The following OPCML variants were observed in gnomAD, a reference collection of about 807,000 sequenced individuals.
The protein encoded by OPCML is opioid-binding protein/cell adhesion molecule.
A neutral mutation model predicts 37.8 loss-of-function variants in OPCML; 13 were observed. The ratio of observed to expected loss-of-function variants is 0.34; its 90% CI spans 0.22 to 0.55. The LOEUF (loss-of-function observed/expected upper bound fraction) is 0.55, where lower values mean the gene tolerates loss of function less well. OPCML is among the 20% of genes least tolerant of loss of function. OPCML has a pLI of 0.91. For synonymous variants in OPCML, 176 were observed against 168.8 expected, an observed-to-expected ratio of 1.04 and a Z score of -0.33; for missense variants, 341 against 435.6, an observed-to-expected ratio of 0.78 and a Z score of 1.93.
chr11:132,416,124 A>AT lies in OPCML; in HGVS notation c.*4068dup, dbSNP rs776312287. 2.5e-4 allele frequency: 38 copies of AT among 152,170 alleles called. No individual in the cohort carries two copies. The highest frequency in any genetic ancestry group is 4.7e-4 in the Non-Finnish European group (32 of 68,012). The allele number at this position is 152,170 out of a possible 1,614,324, so 9.4% of individuals were successfully genotyped here. A position where few individuals can be genotyped will look rare whatever the true frequency, so the allele number is the denominator to read the frequency against. On this transcript the variant is annotated 3_prime_UTR_variant, in exon 8 of 8. Transcript: ENST00000524381. ...TGTTGGAGAAAAAGAAAATAAATGCATTTTTTCCAAAAAGAAAAACCTTAT... is the reference window on the plus strand; with the variant it reads ...TGTTGGAGAAAAAGAAAATAAATGCATTTTTTTCCAAAAAGAAAAACCTTAT...
At chr11:132,791,485 C>T (rs1457463143) in intron 2 of OPCML, among the ~76,000 whole-genome samples, 1 of 152,174 alleles carries the variant, frequency 6.6e-6, no homozygotes, top group East Asian at 1.9e-4. Context: ...ATCATTACAA[C>T]TCTGACTGGA....
intron 1 of OPCML, chr11:133,118,020 C>T (rs576029730): frequency 2.4e-6 from 2 of 825,564 alleles, no homozygotes; most frequent in South Asian, 1.1e-4. Flanking sequence ...CAACCTGAGT[C>T]TACAGGGGTG....
intron 1 of OPCML, among the ~76,000 whole-genome samples, chr11:133,100,696 A>G (rs762934819): frequency 2.0e-4 from 30 of 152,176 alleles, no homozygotes; most frequent in Non-Finnish European, 3.8e-4. Flanking sequence ...ACAGAAGACC[A>G]AAGGCAATAC....
At chr11:132,535,411 C>G (rs2096337986) in intron 3 of OPCML, among the ~76,000 whole-genome samples, 1 of 151,870 alleles carries the variant, frequency 6.6e-6, no homozygotes, top group African/African-American at 2.4e-5. Context: ...GGACCCAGAC[C>G]TCATCTCAGC....
At chr11:133,327,097 T>A in intron 1 of OPCML, among the ~76,000 whole-genome samples, 1 of 108,540 alleles carries the variant, frequency 9.2e-6, no homozygotes, top group Non-Finnish European at 1.8e-5. Flanking sequence ...TATGTGGTGG[T>A]GTGTGTATGT....
At chr11:133,179,714 A>G (rs1449928329) in intron 1 of OPCML, among the ~76,000 whole-genome samples, 1 of 152,212 alleles carries the variant, frequency 6.6e-6, no homozygotes, top group African/African-American at 2.4e-5. Flanking sequence ...GTGGAACACA[A>G]AAGTCCAAGT....
chr11:133,468,926 T>C (rs558140480), intron 1 of OPCML, among the ~76,000 whole-genome samples: 11 of 152,244 alleles, frequency 7.2e-5, no homozygotes, highest in African/African-American at 2.4e-4. Flanking sequence ...GGAATATTCA[T>C]TGTGAAGTAT....
At chr11:132,867,739 A>G (rs1447057222) in intron 2 of OPCML, among the ~76,000 whole-genome samples, 1 of 152,136 alleles carries the variant, frequency 6.6e-6, no homozygotes, top group Non-Finnish European at 1.5e-5. Context: ...CATTCCTTGG[A>G]TCTCTCTGCC....
intron 4 of OPCML, among the ~76,000 whole-genome samples, chr11:132,499,225 T>C (rs2096240695): frequency 6.6e-6 from 1 of 152,138 alleles, no homozygotes; most frequent in African/African-American, 2.4e-5. Context: ...TAAGACAGCA[T>C]AGGAATAGGA....
intron 1 of OPCML, among the ~76,000 whole-genome samples, chr11:133,236,389 T>A (rs1940516557): frequency 6.6e-6 from 1 of 152,194 alleles, no homozygotes; most frequent in Non-Finnish European, 1.5e-5. Context: ...CTGGAATTTT[T>A]ATTTAATCTT....
At chr11:133,467,327 A>G (rs1358436670) in intron 1 of OPCML, among the ~76,000 whole-genome samples, 3 of 152,110 alleles carry the variant, frequency 2.0e-5, no homozygotes, top group Non-Finnish European at 4.4e-5. Flanking sequence ...GCACCCTTAG[A>G]GCTGTCCCTA....
At chr11:133,226,783 G>C (rs1374210273) in intron 1 of OPCML, among the ~76,000 whole-genome samples, 2 of 152,106 alleles carry the variant, frequency 1.3e-5, no homozygotes, top group African/African-American at 2.4e-5. Flanking sequence ...TAGGGGAGAG[G>C]AGGAGGAGCT....
At chr11:133,018,813 C>T (rs981490862) in intron 1 of OPCML, among the ~76,000 whole-genome samples, 3 of 152,234 alleles carry the variant, frequency 2.0e-5, no homozygotes, top group Non-Finnish European at 2.9e-5. Flanking sequence ...CCCCCAGCAA[C>T]ATGCCTCAAA....
chr11:132,469,351 C>A (rs1237675390), intron 4 of OPCML, among the ~76,000 whole-genome samples: 1 of 152,100 alleles, frequency 6.6e-6, no homozygotes, highest in Non-Finnish European at 1.5e-5. Context: ...CAGGGCAGGG[C>A]TCACACATGT....
rs149372023 is a variant in OPCML at position 132,885,233 on chromosome 11, G to A, written c.146+57693C>T. ...CACTTGCTAGCAATGTCTAAAATCC[G>A]GGGAACTGATAAGCTCTGCATCTCT... On this transcript the variant is annotated intron_variant, in intron 2 of 7. Transcript: ENST00000524381. 7.2e-5 allele frequency among the ~76,000 whole-genome samples: 11 copies of A among 152,284 alleles called. No individual in the cohort carries two copies. In the East Asian group the frequency reaches 1.5e-3, roughly 21 times the overall value.
chr11:132,523,369 A>G (rs78855263), intron 4 of OPCML, among the ~76,000 whole-genome samples: 1 of 139,888 alleles, frequency 7.1e-6, no homozygotes, highest in African/African-American at 2.5e-5. Context: ...GCCAAACATT[A>G]TTTCCCCCAG....
chr11:132,495,887 T>A (rs1287494414), intron 4 of OPCML, among the ~76,000 whole-genome samples: 3 of 132,184 alleles, frequency 2.3e-5, no homozygotes, highest in Non-Finnish European at 4.7e-5. Context: ...AGAGTGAGAC[T>A]CCATCTCAAA....
intron 1 of OPCML, among the ~76,000 whole-genome samples, chr11:133,013,233 T>TA (rs1317768595): frequency 1.3e-5 from 2 of 152,238 alleles, no homozygotes; most frequent in Non-Finnish European, 2.9e-5. Flanking sequence ...CTCCTGGATT[T>TA]AAAAAACACA....
chr11:133,474,001 A>C (rs1947178043), intron 1 of OPCML, among the ~76,000 whole-genome samples: 1 of 152,262 alleles, frequency 6.6e-6, no homozygotes, highest in Admixed American at 6.5e-5. Flanking sequence ...AAGCAAAGCT[A>C]TTACTGACTA....
Sources: gnomAD v4.1 joint callset for allele counts (sites outside exome capture counted in the v4.1 genomes callset) on GRCh38, gnomAD v4.1.1 for gene constraint, MANE v1.5 for transcripts, NCBI Gene and HGNC (gene_info 2026-07-23, HGNC 2026-07-21) for gene names.